SLC25A25: variants seen among roughly 807,000 people sequenced by gnomAD.
SLC25A25 encodes the protein mitochondrial adenyl nucleotide antiporter SLC25A25.
A neutral mutation model predicts 57.7 loss-of-function variants in SLC25A25; 32 were observed. That is an observed-to-expected ratio of 0.55 (90% CI 0.42 to 0.74). The LOEUF is 0.74. Among genes scored for constraint, SLC25A25 ranks in the 30% least tolerant of loss-of-function variants. SLC25A25 has a pLI of 0.00. For synonymous variants in SLC25A25, 306 were observed against 291.2 expected, an observed-to-expected ratio of 1.05 and a Z score of -0.52; for missense variants, 556 against 701.3, an observed-to-expected ratio of 0.79 and a Z score of 2.34.
intron 1 of SLC25A25, chr9:128,091,584 C>A: frequency 1.8e-6 from 2 of 1,092,226 alleles, no homozygotes; most frequent in Non-Finnish European, 2.2e-6. Context: ...AACGTTTGCT[C>A]ACCATCACCT....
intron 1 of SLC25A25, among the ~76,000 whole-genome samples, chr9:128,075,254 CAG>C (rs1032302436): frequency 2.0e-5 from 3 of 152,198 alleles, no homozygotes; most frequent in Admixed American, 1.3e-4. Context: ...TTGCAGTGAG[CAG>C]AGACTGTGCC....
At chr9:128,080,614 G>T (rs945017748) in intron 1 of SLC25A25, among the ~76,000 whole-genome samples, 2 of 151,336 alleles carry the variant, frequency 1.3e-5, no homozygotes, top group African/African-American at 4.9e-5. Flanking sequence ...TAATAGAGAT[G>T]AGGTTTCACC....
chr9:128,091,703 G>C, intron 1 of SLC25A25: 1 of 1,419,196 alleles, frequency 7.0e-7, no homozygotes, highest in African/African-American at 1.4e-5. Flanking sequence ...CACGACAGCA[G>C]TGCTAGCACA....
chr9:128,096,335 C>G (rs889967095), intron 1 of SLC25A25, among the ~76,000 whole-genome samples: 26 of 152,126 alleles, frequency 1.7e-4, no homozygotes, highest in African/African-American at 6.3e-4. Context: ...ATGGTAAAAC[C>G]TAGTCTCTAC....
intron 1 of SLC25A25, chr9:128,091,805 T>G (rs1030002291): frequency 6.5e-7 from 1 of 1,534,286 alleles, no homozygotes; most frequent in Non-Finnish European, 8.8e-7. Context: ...CCAGAGAGCG[T>G]TGGTACTGTG....
chr9:128,072,603 T>C (rs1231366321), intron 1 of SLC25A25, among the ~76,000 whole-genome samples: 1 of 152,086 alleles, frequency 6.6e-6, no homozygotes, highest in African/African-American at 2.4e-5. Flanking sequence ...CTCATAAAAA[T>C]TGCTTAAAAT....
In SLC25A25 at chr9:128,107,545, G is replaced by T; in HGVS notation, c.*101G>T. ...GAATGTGCCAACACTAAGCTGTCTC[G>T]AGCCAAGCTGTGAAAACCCTAGACG... On this transcript the variant is annotated 3_prime_UTR_variant, in exon 11 of 11. Transcript: ENST00000373069. 1 of 1,392,042 alleles carries T rather than the reference G, an allele frequency of 7.2e-7. No homozygotes were observed. Among genetic ancestry groups the T allele is most frequent in the Non-Finnish European group, 9.5e-7 (1 of 1,050,242 alleles). The allele number at this position is 1,392,042 out of a possible 1,614,324, so 86.2% of individuals were successfully genotyped here.
At chr9:128,106,949 G>C (rs1363200788) in intron 9 of SLC25A25, 80 bp from the exon 10 acceptor site, 1 of 1,531,592 alleles carries the variant, frequency 6.5e-7, no homozygotes, top group Non-Finnish European at 8.9e-7. Flanking sequence ...CCAGTGGCCT[G>C]AGGACCCAGT....
At chr9:128,072,778 A>G (rs928031225) in intron 1 of SLC25A25, among the ~76,000 whole-genome samples, 4 of 152,276 alleles carry the variant, frequency 2.6e-5, no homozygotes, top group Admixed American at 2.6e-4. Context: ...AGACTCAGCC[A>G]GAGCTAATTA....
At chr9:128,083,610 C>T (rs925758726) in intron 1 of SLC25A25, among the ~76,000 whole-genome samples, 14 of 150,302 alleles carry the variant, frequency 9.3e-5, no homozygotes, top group African/African-American at 3.2e-4. Flanking sequence ...CCCGGGCTTA[C>T]GCCATTCTCC....
In SLC25A25 at chr9:128,102,163, G is replaced by C. The variant is rs1383465227; in HGVS notation, c.512+48G>C. On this transcript the variant is annotated intron_variant, in intron 4 of 10. Transcript: ENST00000373069. The surrounding 1 kb of genome is among the most constrained non-coding windows in gnomAD (Gnocchi z 4.1). ...ACTGCCTCCCTTGACTTCCATGCCT[G>C]ATCAGAGCGGGATTCTTGTGGGCCA... 2.8e-5 allele frequency: 44 copies of C among 1,547,198 alleles called. No individual in the cohort carries two copies. The highest frequency in any genetic ancestry group is 3.8e-5 in the Non-Finnish European group (44 of 1,144,028).
rs1440016255 is a variant in SLC25A25, at chr9:128,099,649, A to ATC, written c.262-1445_262-1444dup. ...CTCAGCAGATAAAATATGTACCTGC[A>ATC]TCTGTCCTACATTCCAGCCACGCCC... On this transcript the variant is annotated intron_variant, in intron 1 of 10. Transcript: ENST00000373069. This position sits in a 1 kb window ranked among gnomAD's most constrained non-coding sequence, Gnocchi z 6.8. 2.0e-5 allele frequency among the ~76,000 whole-genome samples: 3 copies of ATC among 152,360 alleles called. No individual in the cohort carries two copies. In the East Asian group the frequency reaches 5.8e-4, roughly 29 times the overall value.
intron 1 of SLC25A25, among the ~76,000 whole-genome samples, chr9:128,076,047 T>TTTTTATTTTATTTTA (rs71381725): frequency 3.3e-5 from 5 of 151,488 alleles, no homozygotes; most frequent in Admixed American, 1.3e-4. Flanking sequence ...CCCAGCCAAC[T>TTTTTATTTTATTTTA]TTTTATTTTA....
At position 128,101,042 on chromosome 9, in the gene SLC25A25, C is replaced by G; in HGVS notation, c.262-54C>G. On this transcript the variant is annotated intron_variant, in intron 1 of 10. Coordinates refer to ENST00000373069, the MANE Select transcript of SLC25A25 (RefSeq NM_001330988.2). This position sits in a 1 kb window ranked among gnomAD's most constrained non-coding sequence, Gnocchi z 4.9. ...CCTGGGGATGGGGCCCCACAAGGGACAAGGAAAGGCTGGTCCAGGAGCCAA... is the reference window on the plus strand; with the variant it reads ...CCTGGGGATGGGGCCCCACAAGGGAGAAGGAAAGGCTGGTCCAGGAGCCAA... 1.2e-6 allele frequency: 2 copies of G among 1,610,000 alleles called. No individual in the cohort carries two copies. Among genetic ancestry groups the G allele is most frequent in the East Asian group, 4.5e-5 (2 of 44,846 alleles).
chr9:128,100,473 G>A (rs1833743234), intron 1 of SLC25A25, among the ~76,000 whole-genome samples: 1 of 152,230 alleles, frequency 6.6e-6, no homozygotes, highest in South Asian at 2.1e-4. Context: ...TTCCCTGAGA[G>A]CAGGGACTGG....
At position 128,095,683 on chromosome 9, in the gene SLC25A25, A is replaced by C. The variant is rs1588772346; in HGVS notation, c.262-5413A>C. 2.0e-5 allele frequency among the ~76,000 whole-genome samples: 3 copies of C among 152,274 alleles called. 1 individual carries two copies. In the Middle Eastern group the frequency reaches 0.01, roughly 518 times the overall value. On this transcript the variant is annotated intron_variant, in intron 1 of 10. Transcript: ENST00000373069. The surrounding 1 kb of genome is among the most constrained non-coding windows in gnomAD (Gnocchi z 4.4). ...AAATTAGCTGGGTGTGCTCGTGGGC[A>C]CCTGTAGTCCCAGCTACTCGGGAGG...
rs547868115 is a variant in SLC25A25 at position 128,107,517 on chromosome 9, T to G, written c.*73T>G. The G allele has an allele frequency of 1.4e-6, 2 of 1,467,170 alleles. No homozygotes were observed. The highest frequency in any genetic ancestry group is 2.3e-5 in the East Asian group (1 of 42,902). The allele number at this position is 1,467,170 out of a possible 1,614,324, so 90.9% of individuals were successfully genotyped here. Reference sequence around the variant, plus strand: ...CCTGGGGTGTGCAGCCATCTCATTCTGTGAATGTGCCAACACTAAGCTGTC... The same window carrying G: ...CCTGGGGTGTGCAGCCATCTCATTCGGTGAATGTGCCAACACTAAGCTGTC... On this transcript the variant is annotated 3_prime_UTR_variant, in exon 11 of 11. Transcript: ENST00000373069.
chr9:128,081,407 G>A (rs961624474), intron 1 of SLC25A25, among the ~76,000 whole-genome samples: 1 of 152,176 alleles, frequency 6.6e-6, no homozygotes. Context: ...TTTCACGTGG[G>A]AGAAGGAAAG....
rs376387093 is a variant in SLC25A25, at chr9:128,074,347, G to T, written c.261+5767G>T. Among the ~76,000 whole-genome samples, 24 of 67,772 alleles carry T rather than the reference G, an allele frequency of 3.5e-4. No individual in the cohort carries two copies. The Middle Eastern group carries it at 0.029, about 81-fold the overall frequency. The allele number at this position is 67,772 out of a possible 152,430, so 44.5% of individuals were successfully genotyped here. A position where few individuals can be genotyped will look rare whatever the true frequency, so the allele number is the denominator to read the frequency against. On this transcript the variant is annotated intron_variant, in intron 1 of 10. Transcript: ENST00000373069. ...GTGAGCCACCATGTCCAGCTGAGAA[G>T]ATTTTTTTTTAATAAGTTGATATTT... is the stretch of plus-strand genomic sequence containing the variant.
Sources: gnomAD v4.1 joint callset for allele counts (sites outside exome capture counted in the v4.1 genomes callset) on GRCh38, gnomAD v4.1.1 for gene constraint, Gnocchi (gnomAD v3.1) non-coding constraint, MANE v1.5 for transcripts, NCBI Gene and HGNC (gene_info 2026-07-23, HGNC 2026-07-21) for gene names.